Variants in BRD10 observed in about 807,000 individuals in gnomAD.
BRD10 encodes bromodomain containing 10.
At chr9:5,947,139 C>G in the BRD10 span, among the ~76,000 whole-genome samples, 2 of 152,062 alleles carry the variant, frequency 1.3e-5, no homozygotes, top group African/African-American at 4.8e-5. Flanking sequence ...AGCTTAAGAG[C>G]TACATAAAAT....
chr9:5,922,789 G>C, the BRD10 span: 1 of 1,613,878 alleles, frequency 6.2e-7, no homozygotes, highest in African/African-American at 1.3e-5. Flanking sequence ...ACTGGCCACA[G>C]GGCATTTTGT....
chr9:6,005,221 T>C, the BRD10 span, among the ~76,000 whole-genome samples: 5 of 152,236 alleles, frequency 3.3e-5, no homozygotes, highest in African/African-American at 1.2e-4. Flanking sequence ...TAAGAAATGT[T>C]TATTATAGGC....
the BRD10 span, among the ~76,000 whole-genome samples, chr9:5,986,019 T>G: frequency 6.6e-6 from 1 of 152,214 alleles, no homozygotes; most frequent in Non-Finnish European, 1.5e-5. Flanking sequence ...CATGCAGGTT[T>G]GTTACACAGG....
chr9:5,912,247 T>C, the BRD10 span, among the ~76,000 whole-genome samples: 1 of 152,222 alleles, frequency 6.6e-6, no homozygotes, highest in Non-Finnish European at 1.5e-5. Flanking sequence ...TTACTGAATT[T>C]ATCAGTTTGA....
chr9:5,919,787 GGAGA>G, the BRD10 span: 1 of 1,613,770 alleles, frequency 6.2e-7, no homozygotes, highest in South Asian at 1.1e-5. Context: ...AGAGAGAGAT[GGAGA>G]GAGTGAAGAA....
chr9:5,951,420 C>T, the BRD10 span, among the ~76,000 whole-genome samples: 1 of 151,868 alleles, frequency 6.6e-6, no homozygotes, highest in African/African-American at 2.4e-5. Context: ...CTTTGGCAAA[C>T]TGGTCAGGTT....
At chr9:6,007,990 G>T in the BRD10 span, 2 of 1,277,662 alleles carry the variant, frequency 1.6e-6, no homozygotes, top group Non-Finnish European at 2.0e-6. Flanking sequence ...CATGGCGCGC[G>T]AGGAGGGGGG....
the BRD10 span, among the ~76,000 whole-genome samples, chr9:5,962,909 CAAAATAAT>C: frequency 8.4e-6 from 1 of 119,190 alleles, no homozygotes; most frequent in African/African-American, 3.3e-5. Context: ...GGACGTATTT[CAAAATAAT>C]AAGAGCTATC....
At chr9:6,008,117 C>A in the BRD10 span, 6 of 984,368 alleles carry the variant, frequency 6.1e-6, no homozygotes, top group South Asian at 2.8e-4. Context: ...ACCGGCCAGG[C>A]CCTGCCGGGT....
At chr9:5,999,959 G>A in the BRD10 span, among the ~76,000 whole-genome samples, 1 of 152,088 alleles carries the variant, frequency 6.6e-6, no homozygotes, top group Admixed American at 6.6e-5. Flanking sequence ...TATGTTGTCT[G>A]TGTTCAATTT....
chr9:6,002,259 C>T, the BRD10 span, among the ~76,000 whole-genome samples: 1 of 152,186 alleles, frequency 6.6e-6, no homozygotes, highest in Non-Finnish European at 1.5e-5. Flanking sequence ...CTCTTTCATA[C>T]TTCTGTTACT....
chr9:5,960,181 G>C, the BRD10 span, among the ~76,000 whole-genome samples: 1 of 151,952 alleles, frequency 6.6e-6, no homozygotes, highest in East Asian at 1.9e-4. Context: ...TTTTAACTTA[G>C]TTTTTTCACC....
the BRD10 span, among the ~76,000 whole-genome samples, chr9:5,927,989 T>C: frequency 1.3e-5 from 2 of 152,334 alleles, no homozygotes; most frequent in East Asian, 3.9e-4. Context: ...ACACCAATTA[T>C]ATGTCTAAAG....
At chr9:5,904,262 ATC>A in the BRD10 span, among the ~76,000 whole-genome samples, 4 of 152,280 alleles carry the variant, frequency 2.6e-5, no homozygotes, top group African/African-American at 9.6e-5. Context: ...CACTCTGACA[ATC>A]TGTCTTTTAA....
chr9:5,977,679 C>CA, the BRD10 span, among the ~76,000 whole-genome samples: 1 of 151,906 alleles, frequency 6.6e-6, no homozygotes, highest in African/African-American at 2.4e-5. Flanking sequence ...ACTAAAAATA[C>CA]AAAAAATTAG....
At chr9:5,938,967 T>C in the BRD10 span, among the ~76,000 whole-genome samples, 1 of 152,168 alleles carries the variant, frequency 6.6e-6, no homozygotes, top group Admixed American at 6.5e-5. Flanking sequence ...TATACTGTAG[T>C]ACAACAGATT....
At chr9:5,985,346 G>A in the BRD10 span, among the ~76,000 whole-genome samples, 1 of 152,074 alleles carries the variant, frequency 6.6e-6, no homozygotes, top group African/African-American at 2.4e-5. Context: ...AGATTCCTTA[G>A]GTAGGTCCAC....
chr9:5,922,716 T>C, the BRD10 span: 7 of 1,613,872 alleles, frequency 4.3e-6, no homozygotes, highest in Admixed American at 8.3e-5. Flanking sequence ...TCTCCTGTTT[T>C]AGGATCCACC....
chr9:5,901,371 C>G, the BRD10 span, among the ~76,000 whole-genome samples: 1 of 152,118 alleles, frequency 6.6e-6, no homozygotes, highest in South Asian at 2.1e-4. Context: ...CTTCAGCAAA[C>G]TTGAGTAAGT....
Sources: gnomAD v4.1 joint callset for allele counts (sites outside exome capture counted in the v4.1 genomes callset) on GRCh38, gnomAD v4.1.1 for gene constraint, MANE v1.5 for transcripts, NCBI Gene and HGNC (gene_info 2026-07-23, HGNC 2026-07-21) for gene names.